KAZN: variants seen among roughly 807,000 people sequenced by gnomAD.
KAZN encodes kazrin.
KAZN carries 40 observed loss-of-function variants against 87.4 expected under a neutral mutation model. The ratio of observed to expected loss-of-function variants is 0.46; its 90% CI spans 0.36 to 0.60. The LOEUF (loss-of-function observed/expected upper bound fraction) is 0.60. Among genes scored for constraint, KAZN ranks in the 20% least tolerant of loss-of-function variants. The probability of loss-of-function intolerance (pLI) is 0.00; values close to 1 mark genes in which losing one functional copy is unlikely to be tolerated. For missense variants in KAZN, 898 were observed against 1,073.9 expected (o/e 0.84, Z 2.29); for synonymous variants, 466 against 458.3 (o/e 1.02, Z -0.22).
chr1:14,004,105 C>CA (rs34370589), intron 1 of KAZN, among the ~76,000 whole-genome samples: 72,264 of 149,580 alleles, frequency 0.48, 17,972 homozygotes, highest in Admixed American at 0.61. Flanking sequence ...CTAAACTGCC[C>CA]AAAAAAAAAG....
At chr1:14,564,915 A>G (rs917880705) in intron 2 of KAZN, among the ~76,000 whole-genome samples, 1 of 152,216 alleles carries the variant, frequency 6.6e-6, no homozygotes, top group Non-Finnish European at 1.5e-5. Flanking sequence ...TTGTTGTTAC[A>G]TACAATATCT....
intron 1 of KAZN, among the ~76,000 whole-genome samples, chr1:14,612,690 G>A (rs1232357138): frequency 6.6e-6 from 1 of 152,170 alleles, no homozygotes; most frequent in Non-Finnish European, 1.5e-5. Context: ...TGTTGTGGGG[G>A]CGGGGGTCTG....
intron 1 of KAZN, among the ~76,000 whole-genome samples, chr1:14,088,901 A>G (rs1252702202): frequency 6.6e-6 from 1 of 150,818 alleles, no homozygotes; most frequent in African/African-American, 2.4e-5. Context: ...TTTATCCCAG[A>G]TAATATTCTC....
chr1:14,111,563 G>T (rs1324230570), intron 1 of KAZN, among the ~76,000 whole-genome samples: 1 of 133,488 alleles, frequency 7.5e-6, no homozygotes, highest in Non-Finnish European at 1.6e-5. Context: ...ATACGAAAGG[G>T]CTGTCTCTCT....
intron 1 of KAZN, among the ~76,000 whole-genome samples, chr1:13,972,313 A>T (rs1471106161): frequency 2.2e-5 from 3 of 137,494 alleles, no homozygotes; most frequent in Non-Finnish European, 4.6e-5. Context: ...TTGCTTTTTC[A>T]CCCAGGCCGG....
At chr1:14,621,991 A>G (rs553699175) in intron 1 of KAZN, among the ~76,000 whole-genome samples, 78 of 152,354 alleles carry the variant, frequency 5.1e-4, no homozygotes, top group South Asian at 2.7e-3. Context: ...ATAAAGTATA[A>G]GAGCCCTGGG....
In KAZN at chr1:14,917,839, C is replaced by CT. The variant is rs1332619888; in HGVS notation, c.227-42843dup. Among the ~76,000 whole-genome samples the CT allele has an allele frequency of 2.9e-5, 4 of 136,276 alleles. No individual in the cohort carries two copies. The South Asian group carries it at 9.6e-4, about 33-fold the overall frequency. 89.4% of individuals were successfully genotyped at this position (136,276 alleles called of 152,430 possible). A position where few individuals can be genotyped will look rare whatever the true frequency, so the allele number is the denominator to read the frequency against. On this transcript the variant is annotated intron_variant, in intron 1 of 14. Transcript: ENST00000376030. Reference sequence around the variant, plus strand: ...AGATTGGGGGTGAGATCTAAATGTACTTCTTTCTTTCTTCCTTCCTTCCTT... The same window carrying CT: ...AGATTGGGGGTGAGATCTAAATGTACTTTCTTTCTTTCTTCCTTCCTTCCTT...
chr1:14,392,315 A>G (rs2101094759), intron 2 of KAZN, among the ~76,000 whole-genome samples: 1 of 152,266 alleles, frequency 6.6e-6, no homozygotes, highest in Middle Eastern at 3.4e-3. Context: ...TCTAGTAATG[A>G]CTCAGCCTTC....
At chr1:14,342,304 C>T (rs1240501883) in intron 2 of KAZN, among the ~76,000 whole-genome samples, 1 of 152,164 alleles carries the variant, frequency 6.6e-6, no homozygotes, top group Non-Finnish European at 1.5e-5. Context: ...CATACATGTA[C>T]ATGTGCCTTT....
intron 2 of KAZN, among the ~76,000 whole-genome samples, chr1:14,366,230 T>A (rs1176261952): frequency 6.6e-6 from 1 of 152,246 alleles, no homozygotes; most frequent in Non-Finnish European, 1.5e-5. Flanking sequence ...TAAGTGTGGT[T>A]TATTTTTGTC....
rs991288123 is a variant in KAZN, at chr1:15,101,418, C to A, written c.1548-125C>A. The A allele has an allele frequency of 2.4e-5, 16 of 662,404 alleles. No homozygotes were observed. The African/African-American group carries it at 2.9e-4, about 12-fold the overall frequency. The allele number at this position is 662,404 out of a possible 1,614,324, so 41.0% of individuals were successfully genotyped here. ...TCCCTGTCCATGTCTGTCTCTGTGG[C>A]TCTCTTGGTCCTCCCCCAACCCCAT... On this transcript the variant is annotated intron_variant, in intron 10 of 14. Coordinates refer to ENST00000376030, the MANE Select transcript of KAZN (RefSeq NM_201628.3).
At chr1:14,644,463 G>A (rs1350654592) in intron 1 of KAZN, among the ~76,000 whole-genome samples, 6 of 151,084 alleles carry the variant, frequency 4.0e-5, no homozygotes, top group African/African-American at 4.9e-5. Context: ...CCAGGTTCAC[G>A]CCATGCTCCT....
chr1:14,975,452 G>T (rs1567798), intron 2 of KAZN, among the ~76,000 whole-genome samples: 57,854 of 152,082 alleles, frequency 0.38, 12,974 homozygotes, highest in African/African-American at 0.63. Context: ...AGCTTAGAGA[G>T]GAACGTTCTA....
intron 1 of KAZN, among the ~76,000 whole-genome samples, chr1:14,067,634 C>G (rs996671672): frequency 2.4e-5 from 3 of 126,178 alleles, no homozygotes; most frequent in Admixed American, 7.6e-5. Context: ...TTCTGTCTGT[C>G]CCCCCCCATA....
chr1:14,413,536 CCGAGAT>C (rs1269929255), intron 2 of KAZN, among the ~76,000 whole-genome samples: 10 of 142,664 alleles, frequency 7.0e-5, no homozygotes, highest in Non-Finnish European at 9.0e-5. Context: ...TTGCAGTGAG[CCGAGAT>C]CGCGCCACTG....
intron 2 of KAZN, among the ~76,000 whole-genome samples, chr1:14,986,319 TG>T (rs1185336299): frequency 6.6e-6 from 1 of 152,228 alleles, no homozygotes; most frequent in East Asian, 1.9e-4. Context: ...TTCTGGGCTC[TG>T]GCAGTTTAAC....
intron 2 of KAZN, among the ~76,000 whole-genome samples, chr1:14,202,427 G>A (rs1646658415): frequency 6.6e-6 from 1 of 152,252 alleles, no homozygotes; most frequent in South Asian, 2.1e-4. Context: ...TCACAGGAAA[G>A]CAGGCTTGTT....
At position 14,172,835 on chromosome 1, in the gene KAZN, G is replaced by A. The variant is rs969888484; in HGVS notation, c.92-7600G>A. Reference sequence around the variant, plus strand: ...TATTCAAGATGGCTTTTTCACTCGTGTATCTGGCACCTGGGCTGGATGGTT... The same window carrying A: ...TATTCAAGATGGCTTTTTCACTCGTATATCTGGCACCTGGGCTGGATGGTT... On this transcript the variant is annotated intron_variant, in intron 1 of 16. Coordinates refer to the KAZN transcript ENST00000636203. 4.6e-5 allele frequency among the ~76,000 whole-genome samples: 7 copies of A among 152,342 alleles called. No individual in the cohort carries two copies. The East Asian group carries it at 1.3e-3, about 29-fold the overall frequency.
At chr1:14,105,901 G>T (rs1436536979) in intron 1 of KAZN, among the ~76,000 whole-genome samples, 2 of 152,314 alleles carry the variant, frequency 1.3e-5, no homozygotes, top group Admixed American at 1.3e-4. Flanking sequence ...GGTTGGGTTC[G>T]AGGTGATGGG....
Sources: gnomAD v4.1 joint callset for allele counts (sites outside exome capture counted in the v4.1 genomes callset) on GRCh38, gnomAD v4.1.1 for gene constraint, MANE v1.5 for transcripts, NCBI Gene and HGNC (gene_info 2026-07-23, HGNC 2026-07-21) for gene names.